Variants in ZBTB20 observed in about 807,000 individuals in gnomAD.
ZBTB20 encodes zinc finger and BTB domain containing 20, also known as zinc finger and BTB domain-containing protein 20.
ZBTB20 carries 9 observed loss-of-function variants against 56.9 expected under a neutral mutation model. The ratio of observed to expected loss-of-function variants is 0.16; its 90% confidence interval spans 0.10 to 0.28. The LOEUF (loss-of-function observed/expected upper bound fraction) is 0.28. Ranked by LOEUF, ZBTB20 falls within the 10% of genes least tolerant of loss-of-function variation. ZBTB20 has a pLI of 1.00. For missense variants in ZBTB20, 655 were observed against 1,003.0 expected, an observed-to-expected ratio of 0.65 and a Z score of 4.69; for synonymous variants, 417 against 420.7, an observed-to-expected ratio of 0.99 and a Z score of 0.11.
chr3:114,922,921 A>G (rs912981778), intron 3 of ZBTB20, among the ~76,000 whole-genome samples: 5 of 152,212 alleles, frequency 3.3e-5, no homozygotes, highest in Admixed American at 6.5e-5. Context: ...ATTGGGATCA[A>G]ATTTCAACAT....
chr3:115,043,396 T>C (rs1253439176), intron 2 of ZBTB20, among the ~76,000 whole-genome samples: 5 of 142,970 alleles, frequency 3.5e-5, no homozygotes, highest in Non-Finnish European at 6.1e-5. Context: ...CCATCTCTAC[T>C]AAAAACTAAA....
intron 2 of ZBTB20, among the ~76,000 whole-genome samples, chr3:114,988,352 T>G (rs2078645773): frequency 6.6e-6 from 1 of 150,520 alleles, no homozygotes; most frequent in Non-Finnish European, 1.5e-5. Flanking sequence ...ACATGCGGTG[T>G]TTGGTTTTTT....
At chr3:114,382,042 G>A (rs563595419) in intron 8 of ZBTB20, among the ~76,000 whole-genome samples, 1 of 152,290 alleles carries the variant, frequency 6.6e-6, no homozygotes, top group Admixed American at 6.5e-5. Context: ...AGTTGCTAAA[G>A]CCCAACTCCT....
At chr3:114,461,522 T>C (rs909729262) in intron 7 of ZBTB20, among the ~76,000 whole-genome samples, 2 of 152,134 alleles carry the variant, frequency 1.3e-5, no homozygotes, top group African/African-American at 4.8e-5. Context: ...CTCAGGCTGG[T>C]CTCAAACTCC....
At chr3:114,377,584 C>T (rs2083799658) in intron 10 of ZBTB20, among the ~76,000 whole-genome samples, 3 of 152,136 alleles carry the variant, frequency 2.0e-5, no homozygotes, top group African/African-American at 4.8e-5. Flanking sequence ...TGTGGCGATG[C>T]TTTATCCATC....
At chr3:114,681,270 C>T (rs1286149156) in intron 6 of ZBTB20, among the ~76,000 whole-genome samples, 1 of 151,072 alleles carries the variant, frequency 6.6e-6, no homozygotes, top group African/African-American at 2.4e-5. Flanking sequence ...AGCGATCCTT[C>T]TGCCTTAGCC....
intron 5 of ZBTB20, among the ~76,000 whole-genome samples, chr3:114,743,294 G>C (rs2066761543): frequency 6.6e-6 from 1 of 152,084 alleles, no homozygotes; most frequent in Admixed American, 6.6e-5. Context: ...GGTAGCCACT[G>C]GATCTAAGGG....
chr3:114,607,051 T>A (rs1156413437), intron 6 of ZBTB20, among the ~76,000 whole-genome samples: 1 of 151,722 alleles, frequency 6.6e-6, no homozygotes, highest in Non-Finnish European at 1.5e-5. Flanking sequence ...TGAGCCGAGA[T>A]CACGCCACTG....
chr3:114,380,550 G>C (rs1376335861), intron 9 of ZBTB20, 146 bp from the exon 10 acceptor site: 2 of 1,232,898 alleles, frequency 1.6e-6, no homozygotes, highest in South Asian at 1.6e-5. Context: ...AAAACAAGCT[G>C]ATTCTTGTTT....
intron 6 of ZBTB20, among the ~76,000 whole-genome samples, chr3:114,559,262 T>G (rs2051683618): frequency 6.6e-6 from 1 of 152,208 alleles, no homozygotes; most frequent in Non-Finnish European, 1.5e-5. Context: ...GTTATTTAAA[T>G]GTACCTCAAA....
intron 11 of ZBTB20, among the ~76,000 whole-genome samples, chr3:114,340,643 G>C (rs1420039847): frequency 6.6e-6 from 1 of 152,140 alleles, no homozygotes; most frequent in Non-Finnish European, 1.5e-5. Context: ...TTTGTTCTCA[G>C]CTCTGCTCCT....
intron 7 of ZBTB20, among the ~76,000 whole-genome samples, chr3:114,462,942 C>T (rs2092395054): frequency 6.6e-6 from 1 of 152,184 alleles, no homozygotes; most frequent in Non-Finnish European, 1.5e-5. Context: ...AGACTAATGT[C>T]TGCACGTCAC....
At chr3:114,847,954 T>A (rs948213761) in intron 4 of ZBTB20, among the ~76,000 whole-genome samples, 4 of 152,182 alleles carry the variant, frequency 2.6e-5, no homozygotes, top group African/African-American at 9.7e-5. Flanking sequence ...GTAATGCATC[T>A]AATTGACAGA....
At chr3:114,899,742 T>C (rs556085128) in intron 4 of ZBTB20, among the ~76,000 whole-genome samples, 7 of 152,208 alleles carry the variant, frequency 4.6e-5, no homozygotes, top group East Asian at 3.9e-4. Context: ...CAAGCAACAA[T>C]TGAGCAGGTG....
chr3:115,094,816 TA>T (rs564551635), intron 1 of ZBTB20, among the ~76,000 whole-genome samples: 1 of 152,060 alleles, frequency 6.6e-6, no homozygotes, highest in South Asian at 2.1e-4. Flanking sequence ...TGTTTCATTT[TA>T]AAAAGTTTAA....
rs1382329051 is a variant in ZBTB20, at chr3:114,507,347, T to A, written c.-294-6956A>T. ...CATATGACAGAGCTTTTAAAAATAG[T>A]CCCCTTTGCCACTCAGGTATAGAAA... is the stretch of plus-strand genomic sequence containing the variant. On this transcript the variant is annotated intron_variant, in intron 6 of 11. Transcript: ENST00000675478. Among the ~76,000 whole-genome samples, 3 of 151,990 alleles carry A rather than the reference T, an allele frequency of 2.0e-5. No individual in the cohort carries two copies. In the East Asian group the frequency reaches 5.8e-4, roughly 29 times the overall value.
chr3:114,505,536 C>A (rs1224555125), intron 6 of ZBTB20, among the ~76,000 whole-genome samples: 1 of 152,138 alleles, frequency 6.6e-6, no homozygotes, highest in Admixed American at 6.6e-5. Context: ...GAAATGACCT[C>A]TTATTTCCAA....
At chr3:114,513,397 A>G (rs1361928620) in intron 6 of ZBTB20, among the ~76,000 whole-genome samples, 2 of 152,218 alleles carry the variant, frequency 1.3e-5, no homozygotes, top group African/African-American at 2.4e-5. Flanking sequence ...TTACCTATTT[A>G]TATTTTGAAT....
At chr3:114,729,903 A>C (rs1348309242) in intron 5 of ZBTB20, among the ~76,000 whole-genome samples, 1 of 151,674 alleles carries the variant, frequency 6.6e-6, no homozygotes, top group Non-Finnish European at 1.5e-5. Flanking sequence ...TCCTGGGCTC[A>C]AACAATCCTC....
Sources: gnomAD v4.1 joint callset for allele counts (sites outside exome capture counted in the v4.1 genomes callset) on GRCh38, gnomAD v4.1.1 for gene constraint, MANE v1.5 for transcripts, NCBI Gene and HGNC (gene_info 2026-07-23, HGNC 2026-07-21) for gene names.